CNBD1: variants seen among roughly 807,000 people sequenced by gnomAD.
CNBD1 encodes the protein cyclic nucleotide-binding domain-containing protein 1.
Under a neutral mutation model 54.4 loss-of-function variants are expected in CNBD1, and 71 were observed. The observed-to-expected ratio is 1.30, with a 90% CI of 1.08 to 1.59. CNBD1 has a LOEUF of 1.59. Ranked by LOEUF, CNBD1 falls within the 40% of genes most tolerant of loss-of-function variation. CNBD1 has a pLI of 0.00. For missense variants in CNBD1, 659 were observed against 518.0 expected (o/e 1.27, Z -2.64); for synonymous variants, 182 against 170.7 (o/e 1.07, Z -0.51).
At chr8:87,329,774 C>T (rs1368801761) in intron 8 of CNBD1, among the ~76,000 whole-genome samples, 1 of 151,812 alleles carries the variant, frequency 6.6e-6, no homozygotes, top group Non-Finnish European at 1.5e-5. Flanking sequence ...TATATTATCC[C>T]TTATTAGTTC....
chr8:87,342,370 T>G (rs1236254417), intron 8 of CNBD1, among the ~76,000 whole-genome samples: 1 of 152,238 alleles, frequency 6.6e-6, no homozygotes, highest in East Asian at 1.9e-4. Context: ...TATTCCACTG[T>G]CTTGTTTGAA....
At chr8:86,978,931 C>T (rs1412082343) in intron 4 of CNBD1, among the ~76,000 whole-genome samples, 2 of 151,972 alleles carry the variant, frequency 1.3e-5, no homozygotes, top group East Asian at 3.9e-4. Flanking sequence ...ACAGTCTAGG[C>T]ATATTTTAAA....
intron 4 of CNBD1, among the ~76,000 whole-genome samples, chr8:87,042,457 G>A (rs2336870): frequency 0.27 from 40,751 of 152,048 alleles, 6,587 homozygotes; most frequent in Admixed American, 0.37. Flanking sequence ...ATACAATGAT[G>A]CTGTGAGTAT....
intron 10 of CNBD1, among the ~76,000 whole-genome samples, chr8:87,370,333 C>A (rs1204883549): frequency 6.6e-6 from 1 of 152,176 alleles, no homozygotes; most frequent in East Asian, 1.9e-4. Flanking sequence ...AATTAGTTTA[C>A]AGTCCCATCA....
intron 4 of CNBD1, among the ~76,000 whole-genome samples, chr8:87,082,530 T>C (rs1811017793): frequency 6.6e-6 from 1 of 152,230 alleles, no homozygotes; most frequent in South Asian, 2.1e-4. Context: ...TGCATTAACA[T>C]CTGCCCGAGC....
intron 4 of CNBD1, among the ~76,000 whole-genome samples, chr8:87,140,233 C>T (rs149565659): frequency 2.6e-5 from 4 of 152,072 alleles, no homozygotes; most frequent in African/African-American, 4.8e-5. Context: ...CTCTCTCTGT[C>T]TCTCATACAC....
intron 4 of CNBD1, among the ~76,000 whole-genome samples, chr8:87,146,695 C>T (rs1375383964): frequency 6.6e-6 from 1 of 152,070 alleles, no homozygotes; most frequent in East Asian, 1.9e-4. Context: ...TCCACATTAG[C>T]AAGTCCTATT....
rs181907630 is a variant in CNBD1, at chr8:87,036,332, C to T, written c.431+96578C>T. 4.0e-3 allele frequency among the ~76,000 whole-genome samples: 615 copies of T among 152,012 alleles called. 3 individuals are homozygous for T. Among genetic ancestry groups the T allele is most frequent in the Non-Finnish European group, 5.9e-3 (401 of 67,974 alleles). ...GGTCACGGCCAGGCACGGTGGCTCA[C>T]GCCTGTAATCCCAGCACTTTGGGAG... On this transcript the variant is annotated intron_variant, in intron 4 of 10. Transcript: ENST00000518476.
chr8:87,256,013 ATATTTTTT>A (rs1808014365), intron 6 of CNBD1, among the ~76,000 whole-genome samples: 3 of 18,172 alleles, frequency 1.7e-4, no homozygotes, highest in Non-Finnish European at 2.6e-4. Context: ...ATATATATAT[ATATTTTTT>A]TTTTTTTTTT....
At chr8:87,275,538 A>T (rs1399934111) in intron 6 of CNBD1, among the ~76,000 whole-genome samples, 1 of 151,668 alleles carries the variant, frequency 6.6e-6, no homozygotes, top group East Asian at 1.9e-4. Flanking sequence ...CATGCTAAAA[A>T]CTCTCAATAA....
intron 6 of CNBD1, among the ~76,000 whole-genome samples, chr8:87,272,201 G>A (rs530898527): frequency 1.3e-5 from 2 of 152,040 alleles, no homozygotes; most frequent in African/African-American, 2.4e-5. Context: ...AACATTAATA[G>A]ATTGCACATT....
intron 4 of CNBD1, among the ~76,000 whole-genome samples, chr8:87,053,211 C>A (rs529470389): frequency 1.3e-5 from 2 of 152,300 alleles, no homozygotes; most frequent in East Asian, 3.9e-4. Flanking sequence ...AAAGCCAGTA[C>A]ATAGGGAACT....
intron 6 of CNBD1, among the ~76,000 whole-genome samples, chr8:87,279,829 T>C (rs908400259): frequency 1.3e-5 from 2 of 151,172 alleles, no homozygotes; most frequent in Admixed American, 6.6e-5. Context: ...GATTGAAAAA[T>C]AATATATTTA....
chr8:87,300,639 T>G (rs1487405766), intron 8 of CNBD1, among the ~76,000 whole-genome samples: 8 of 152,080 alleles, frequency 5.3e-5, no homozygotes, highest in African/African-American at 1.9e-4. Context: ...CAATGGATAG[T>G]GCTTGTAGTC....
At chr8:86,953,986 G>A (rs1250536768) in intron 4 of CNBD1, among the ~76,000 whole-genome samples, 1 of 152,188 alleles carries the variant, frequency 6.6e-6, no homozygotes, top group Non-Finnish European at 1.5e-5. Context: ...AGACAATTTC[G>A]AAGCTTTATA....
At chr8:86,930,779 G>C (rs1809444113) in intron 3 of CNBD1, among the ~76,000 whole-genome samples, 1 of 152,180 alleles carries the variant, frequency 6.6e-6, no homozygotes, top group African/African-American at 2.4e-5. Context: ...GGGTGTTGCA[G>C]GGACTCCTGC....
intron 4 of CNBD1, among the ~76,000 whole-genome samples, chr8:87,102,142 C>T (rs1045501587): frequency 5.3e-5 from 8 of 151,880 alleles, no homozygotes; most frequent in Admixed American, 3.3e-4. Flanking sequence ...CCGCCTCGGC[C>T]TCCCAAAGTG....
Position 87,237,023 on chromosome 8 carries a change from A to C in CNBD1, c.682A>C (p.Ile228Leu). 2 of 1,612,500 alleles carry C rather than the reference A, an allele frequency of 1.2e-6. No homozygotes were observed. The highest frequency in any genetic ancestry group is 1.7e-6 in the Non-Finnish European group (2 of 1,178,778). The change falls in exon 6 of 11, where the codon ATA (isoleucine) becomes CTA (leucine). Residue 228 changes from isoleucine to leucine, a missense_variant. Transcript: ENST00000518476. Reference sequence around the variant, plus strand: ...AGGAAGTGATTCACCAGACTCGTTCATATCTCAGAGTTTCCACAGCTTCAT... The same window carrying C: ...AGGAAGTGATTCACCAGACTCGTTCCTATCTCAGAGTTTCCACAGCTTCAT... Reference protein sequence around the residue: ...IEGSDSPDSFISQSFHSFIWS... With the variant: ...IEGSDSPDSFLSQSFHSFIWS...
chr8:86,927,898 T>C (rs1249977597), intron 3 of CNBD1, among the ~76,000 whole-genome samples: 3 of 152,054 alleles, frequency 2.0e-5, no homozygotes, highest in Admixed American at 6.6e-5. Context: ...TCGAGGCTGG[T>C]CTGGCTGATT....
Sources: gnomAD v4.1 joint callset for allele counts (sites outside exome capture counted in the v4.1 genomes callset) on GRCh38, gnomAD v4.1.1 for gene constraint, MANE v1.5 for transcripts, NCBI Gene and HGNC (gene_info 2026-07-23, HGNC 2026-07-21) for gene names.